HBS1L: variants seen among roughly 807,000 people sequenced by gnomAD.
HBS1L encodes HBS1-like protein.
Under a neutral mutation model 88.9 loss-of-function variants are expected in HBS1L, and 55 were observed. The ratio of observed to expected loss-of-function variants is 0.62; its 90% confidence interval spans 0.50 to 0.77. The LOEUF is 0.77. Ranked by LOEUF, HBS1L falls within the 30% of genes least tolerant of loss-of-function variation. The probability of loss-of-function intolerance (pLI) is 0.00; values close to 1 mark genes in which losing one functional copy is unlikely to be tolerated. For synonymous variants in HBS1L, 267 were observed against 288.5 expected, an observed-to-expected ratio of 0.93 and a Z score of 0.76; for missense variants, 741 against 829.3, an observed-to-expected ratio of 0.89 and a Z score of 1.31.
chr6:134,997,684 T>A, intron 5 of HBS1L, 28 bp from the exon 6 acceptor site: 1 of 1,606,254 alleles, frequency 6.2e-7, no homozygotes, highest in East Asian at 2.2e-5. Flanking sequence ...GAAAAAAGTA[T>A]TTGAAACCAA....
chr6:134,974,288 A>C (rs1327028965), intron 15 of HBS1L, among the ~76,000 whole-genome samples: 1 of 152,134 alleles, frequency 6.6e-6, no homozygotes, highest in African/African-American at 2.4e-5. Flanking sequence ...AACAACAAAA[A>C]AGCTCAGGGC....
chr6:135,036,626 C>T (rs1328281020), intron 4 of HBS1L: 2 of 1,546,702 alleles, frequency 1.3e-6, no homozygotes, highest in Admixed American at 4.0e-5. Context: ...GATTTGAAGT[C>T]AAATGGTGTT....
In HBS1L at chr6:134,966,481, GA is replaced by G. The variant is rs755819409; in HGVS notation, c.1899-9del. On this transcript the variant is annotated splice_polypyrimidine_tract_variant and intron_variant, in intron 16 of 17. Coordinates refer to ENST00000367837, the MANE Select transcript of HBS1L (RefSeq NM_006620.4). ...TGGCCTTTAGTCAAAAACCTATTAA[GA>G]AAAAAAAAGAACAAATGAATATATG... 137 of 1,511,494 alleles carry G rather than the reference GA, an allele frequency of 9.1e-5. No individual in the cohort carries two copies. Among genetic ancestry groups the G allele is most frequent in the South Asian group, 2.7e-4 (21 of 76,572 alleles). 93.6% of individuals were successfully genotyped at this position (1,511,494 alleles called of 1,614,324 possible).
At chr6:135,026,808 C>T (rs921626187) in intron 4 of HBS1L, 3 of 151,276 alleles carry the variant, frequency 2.0e-5, no homozygotes, top group Non-Finnish European at 4.4e-5. Context: ...GTAAACTCTC[C>T]AGGCAATATG....
At chr6:135,017,838 T>A (rs1268282057) in intron 4 of HBS1L, among the ~76,000 whole-genome samples, 1 of 151,986 alleles carries the variant, frequency 6.6e-6, no homozygotes, top group Non-Finnish European at 1.5e-5. Context: ...GATTTCAAAA[T>A]GGGGAATTTT....
In HBS1L at chr6:135,002,853, A is replaced by C. The variant is rs776581702; in HGVS notation, c.431-11T>G. Reference sequence around the variant, plus strand: ...AATCTACTGGTTTTCCTAGTTAAGGAGTAAAATATAAAAGGCCAATTAATT... The same window carrying C: ...AATCTACTGGTTTTCCTAGTTAAGGCGTAAAATATAAAAGGCCAATTAATT... On this transcript the variant is annotated splice_polypyrimidine_tract_variant and intron_variant, in intron 4 of 17. Coordinates refer to ENST00000367837, the MANE Select transcript of HBS1L (RefSeq NM_006620.4). The C allele has an allele frequency of 1.7e-5, 26 of 1,561,324 alleles. 1 individual carries two copies. The South Asian group carries it at 2.7e-4, about 16-fold the overall frequency.
intron 4 of HBS1L, among the ~76,000 whole-genome samples, chr6:135,018,753 G>T (rs543937866): frequency 2.4e-4 from 36 of 151,722 alleles, no homozygotes; most frequent in Non-Finnish European, 4.7e-4. Flanking sequence ...AATGAAAACA[G>T]TATACAACCT....
intron 7 of HBS1L, among the ~76,000 whole-genome samples, chr6:134,994,677 T>C (rs1054477475): frequency 6.6e-6 from 1 of 152,128 alleles, no homozygotes; most frequent in African/African-American, 2.4e-5. Flanking sequence ...GTGTGACCTG[T>C]CACATGAGAT....
intron 4 of HBS1L, among the ~76,000 whole-genome samples, chr6:135,018,152 A>G (rs1272258036): frequency 2.0e-5 from 3 of 151,742 alleles, no homozygotes; most frequent in African/African-American, 2.4e-5. Flanking sequence ...ATTTCCAATG[A>G]AAAAAACACT....
chr6:134,992,969 T>C (rs1775186550), intron 8 of HBS1L, among the ~76,000 whole-genome samples: 1 of 152,218 alleles, frequency 6.6e-6, no homozygotes, highest in Admixed American at 6.5e-5. Context: ...TTTTATCTTT[T>C]ATGCCCTATT....
intron 2 of HBS1L, among the ~76,000 whole-genome samples, chr6:135,046,354 T>C (rs1776911327): frequency 9.3e-6 from 1 of 107,352 alleles, no homozygotes; most frequent in Non-Finnish European, 1.9e-5. Flanking sequence ...ATAGTGTTTT[T>C]CTTACAAAAA....
intron 8 of HBS1L, among the ~76,000 whole-genome samples, chr6:134,991,365 A>G (rs1775132719): frequency 6.6e-6 from 1 of 152,224 alleles, no homozygotes; most frequent in Non-Finnish European, 1.5e-5. Context: ...CACAGTACTC[A>G]GTGTGTGGCA....
intron 4 of HBS1L, chr6:135,036,307 C>T: frequency 3.7e-6 from 4 of 1,068,498 alleles, no homozygotes; most frequent in Non-Finnish European, 4.5e-6. Flanking sequence ...GATTTCACAA[C>T]ATCAAGTTTC....
intron 4 of HBS1L, among the ~76,000 whole-genome samples, chr6:135,022,216 T>C (rs1019230010): frequency 1.1e-4 from 17 of 152,006 alleles, no homozygotes; most frequent in African/African-American, 3.9e-4. Flanking sequence ...ATCTAGCACA[T>C]TAAAAGCAGT....
chr6:134,987,716 G>A lies in HBS1L; in HGVS notation c.1159C>T (p.Arg387Ter), dbSNP rs1441044899. The A allele has an allele frequency of 9.9e-6, 16 of 1,609,512 alleles. No homozygotes were observed. Among genetic ancestry groups the A allele is most frequent in the East Asian group, 2.2e-5 (1 of 44,460 alleles). ...GAACGGACCAAGAGTCCATGCTCTCGTGTTTGTCCTCCAGTCTCAAATCCA... is the reference window on the plus strand; with the variant it reads ...GAACGGACCAAGAGTCCATGCTCTCATGTTTGTCCTCCAGTCTCAAATCCA... Reference protein sequence around the residue: ...EAGFETGGQTREHGLLVRSLG... With the variant: ...EAGFETGGQT The change falls in exon 9 of 18, where the codon CGA becomes TGA. Residue 387 changes from arginine to a stop codon, truncating the protein, a stop_gained. Coordinates refer to ENST00000367837, the MANE Select transcript of HBS1L (RefSeq NM_006620.4). LOFTEE classifies it high-confidence loss of function.
chr6:135,020,857 T>C (rs895663076), intron 4 of HBS1L, among the ~76,000 whole-genome samples: 2 of 151,938 alleles, frequency 1.3e-5, no homozygotes, highest in African/African-American at 4.8e-5. Context: ...AAAGGGTCTA[T>C]GTGTGGTTGT....
intron 13 of HBS1L, 91 bp downstream of exon 13, chr6:134,982,367 A>G: frequency 1.4e-6 from 1 of 714,152 alleles, no homozygotes; most frequent in Non-Finnish European, 2.6e-6. Context: ...GTAAGAGGTT[A>G]CTTACTTTGG....
chr6:134,990,976 A>T (rs1775117464), intron 8 of HBS1L, among the ~76,000 whole-genome samples: 1 of 152,064 alleles, frequency 6.6e-6, no homozygotes, highest in Admixed American at 6.6e-5. Flanking sequence ...TAGGCATTGC[A>T]TTCCCACACT....
intron 4 of HBS1L, among the ~76,000 whole-genome samples, chr6:135,009,800 A>ATT (rs67876204): frequency 2.1e-5 from 3 of 143,662 alleles, no homozygotes; most frequent in South Asian, 2.2e-4. Flanking sequence ...CGCCCAGCTA[A>ATT]TTTTTTTTTT....
Sources: gnomAD v4.1 joint callset for allele counts (sites outside exome capture counted in the v4.1 genomes callset) on GRCh38, gnomAD v4.1.1 for gene constraint, MANE v1.5 for transcripts, NCBI Gene and HGNC (gene_info 2026-07-23, HGNC 2026-07-21) for gene names.